The following PLEKHA5 variants were observed in gnomAD, a reference collection of about 807,000 sequenced individuals.
PLEKHA5 encodes the protein pleckstrin homology domain-containing family A member 5.
PLEKHA5 carries 55 observed loss-of-function variants against 181.9 expected under a neutral mutation model. The ratio of observed to expected loss-of-function variants is 0.30; its 90% CI spans 0.24 to 0.38. The LOEUF (loss-of-function observed/expected upper bound fraction) is 0.38. PLEKHA5 is among the 10% of genes least tolerant of loss of function. The pLI is 1.00. For missense variants in PLEKHA5, 1,432 were observed against 1,549.5 expected (o/e 0.92, Z 1.27); for synonymous variants, 535 against 529.4 (o/e 1.01, Z -0.15).
chr12:19,335,089 G>C (rs1236786554), intron 20 of PLEKHA5, among the ~76,000 whole-genome samples: 1 of 139,394 alleles, frequency 7.2e-6, no homozygotes, highest in African/African-American at 2.6e-5. Context: ...GAGTGCAGTA[G>C]CACAATTTTG....
chr12:19,169,672 G>A (rs1408966247), intron 3 of PLEKHA5, among the ~76,000 whole-genome samples: 1 of 152,204 alleles, frequency 6.6e-6, no homozygotes, highest in Non-Finnish European at 1.5e-5. Flanking sequence ...GACCTTGTAT[G>A]TGTTGATTCA....
intron 3 of PLEKHA5, among the ~76,000 whole-genome samples, chr12:19,167,593 T>C (rs1277290329): frequency 6.6e-6 from 1 of 152,018 alleles, no homozygotes; most frequent in Admixed American, 6.6e-5. Flanking sequence ...ATTAATTTCA[T>C]TCACTCAGCC....
At chr12:19,240,019 C>T (rs527470917) in intron 3 of PLEKHA5, among the ~76,000 whole-genome samples, 7 of 152,270 alleles carry the variant, frequency 4.6e-5, no homozygotes, top group South Asian at 2.1e-4. Context: ...GAAAGCCAAA[C>T]GTTTTTTACA....
chr12:19,201,276 T>A, intron 3 of PLEKHA5: 1 of 151,928 alleles, frequency 6.6e-6, no homozygotes, highest in Non-Finnish European at 1.5e-5. Flanking sequence ...CATTAGCAAA[T>A]TGCAAATTAA....
chr12:19,281,957 T>G (rs1565561623), intron 11 of PLEKHA5, among the ~76,000 whole-genome samples: 3 of 152,088 alleles, frequency 2.0e-5, no homozygotes, highest in Non-Finnish European at 4.4e-5. Context: ...AATTTTTTTG[T>G]ATTTTTCGAA....
intron 11 of PLEKHA5, among the ~76,000 whole-genome samples, chr12:19,275,816 A>G (rs1420558342): frequency 6.6e-6 from 1 of 152,206 alleles, no homozygotes; most frequent in Non-Finnish European, 1.5e-5. Flanking sequence ...TCATTTTTGC[A>G]TGCACCTTTT....
chr12:19,251,739 C>CAAAAAAAA (rs374276545), intron 3 of PLEKHA5, among the ~76,000 whole-genome samples: 1 of 65,622 alleles, frequency 1.5e-5, no homozygotes. Flanking sequence ...GAGGCCCATC[C>CAAAAAAAA]AAAAAAAAAA....
chr12:19,248,163 CAG>C (rs1384814127), intron 3 of PLEKHA5, among the ~76,000 whole-genome samples: 5 of 152,126 alleles, frequency 3.3e-5, no homozygotes, highest in Admixed American at 3.3e-4. Context: ...GTTGAGGCTG[CAG>C]AGAGTTGTGT....
rs768835565 is a variant in PLEKHA5 at position 19,274,892 on chromosome 12, G to A, written c.1222G>A (p.Asp408Asn). Residue 408 changes from aspartate to asparagine, a missense_variant, in exon 11 of 32, where the codon GAT (aspartate) becomes AAT (asparagine). Asp to Asn is a conservative substitution (Grantham distance 23). Coordinates refer to ENST00000429027, the MANE Select transcript of PLEKHA5 (RefSeq NM_001256470.2). ...TACAGGGCCCTTATACACAGAGGCCGATCGAGTCATACAGAGAACAAATTC... is the reference window on the plus strand; with the variant it reads ...TACAGGGCCCTTATACACAGAGGCCAATCGAGTCATACAGAGAACAAATTC... The part of the protein sequence containing the change: ...PNTGPLYTEA[D>N]RVIQRTNSMQ... 20 of 1,613,842 alleles carry A rather than the reference G, an allele frequency of 1.2e-5. No homozygotes were observed. Among genetic ancestry groups the A allele is most frequent in the Admixed American group, 5.0e-5 (3 of 59,996 alleles).
rs2081959494 is a variant in PLEKHA5, at chr12:19,302,905, A to ATT, written c.2037+11208_2037+11209insTT. On this transcript the variant is annotated intron_variant, in intron 15 of 31. Coordinates refer to ENST00000429027, the MANE Select transcript of PLEKHA5 (RefSeq NM_001256470.2). Reference sequence around the variant, plus strand: ...TGTTGGACAGCACTGTTCTGTATGAAATTTTTTTTTTTTTTTTTTTTTTTT... The same window carrying ATT: ...TGTTGGACAGCACTGTTCTGTATGAATTATTTTTTTTTTTTTTTTTTTTTTTT... Among the ~76,000 whole-genome samples the ATT allele has an allele frequency of 3.1e-3, 333 of 106,544 alleles. 5 individuals are homozygous for ATT. The highest frequency in any genetic ancestry group is 0.011 in the African/African-American group (299 of 26,294). 69.9% of individuals were successfully genotyped at this position (106,544 alleles called of 152,430 possible).
chr12:19,181,551 G>A (rs528109230), intron 3 of PLEKHA5, among the ~76,000 whole-genome samples: 1 of 152,288 alleles, frequency 6.6e-6, no homozygotes, highest in Admixed American at 6.5e-5. Context: ...TAGGCGGGTG[G>A]ATCACTTGAG....
At chr12:19,350,017 CAGG>C (rs1164659880) in intron 25 of PLEKHA5, among the ~76,000 whole-genome samples, 24 of 152,176 alleles carry the variant, frequency 1.6e-4, no homozygotes, top group Non-Finnish European at 1.5e-4. Context: ...GAGACTGAGA[CAGG>C]AGAATCACTT....
chr12:19,204,510 C>T (rs989244979), intron 3 of PLEKHA5, among the ~76,000 whole-genome samples: 5 of 152,072 alleles, frequency 3.3e-5, no homozygotes, highest in Non-Finnish European at 5.9e-5. Context: ...ATGGCCATTG[C>T]AGCAATTTAC....
chr12:19,173,244 C>T (rs550204493), intron 3 of PLEKHA5, among the ~76,000 whole-genome samples: 43 of 150,192 alleles, frequency 2.9e-4, no homozygotes, highest in Middle Eastern at 3.4e-3. Context: ...AGGATGGTCT[C>T]GATCTCCTGA....
intron 18 of PLEKHA5, among the ~76,000 whole-genome samples, chr12:19,321,820 G>A (rs1024096511): frequency 6.6e-6 from 1 of 152,034 alleles, no homozygotes; most frequent in African/African-American, 2.4e-5. Flanking sequence ...TAAAGTTGGG[G>A]ACATATTTCC....
chr12:19,173,161 C>T (rs1360565727), intron 3 of PLEKHA5, among the ~76,000 whole-genome samples: 9 of 149,238 alleles, frequency 6.0e-5, no homozygotes, highest in African/African-American at 2.2e-4. Context: ...GTAGCTGGGA[C>T]TACAGGCGCC....
chr12:19,276,982 C>G (rs1861281891), intron 11 of PLEKHA5, among the ~76,000 whole-genome samples: 1 of 152,122 alleles, frequency 6.6e-6, no homozygotes, highest in Non-Finnish European at 1.5e-5. Context: ...CATTATTTTT[C>G]ACTTACCAGA....
chr12:19,290,891 A>C, intron 14 of PLEKHA5, 95 bp downstream of exon 14: 1 of 1,108,260 alleles, frequency 9.0e-7, no homozygotes. Flanking sequence ...AGTGTTGAGC[A>C]TGAGCCCATA....
intron 25 of PLEKHA5, among the ~76,000 whole-genome samples, chr12:19,349,354 ATT>A: frequency 6.6e-6 from 1 of 152,238 alleles, no homozygotes; most frequent in South Asian, 2.1e-4. Flanking sequence ...GGGATCAAGC[ATT>A]CCTTCCACCT....
Sources: allele counts gnomAD v4.1 joint callset (sites outside exome capture counted in the v4.1 genomes callset), GRCh38; gene constraint gnomAD v4.1.1; transcripts MANE v1.5; gene names NCBI Gene and HGNC (gene_info 2026-07-23, HGNC 2026-07-21).